The following CHORDC1 variants were observed in gnomAD, a reference collection of about 807,000 sequenced individuals.
CHORDC1 encodes cysteine and histidine-rich domain-containing protein 1.
A neutral mutation model predicts 48.3 loss-of-function variants in CHORDC1; 25 were observed. The ratio of observed to expected loss-of-function variants is 0.52; its 90% CI spans 0.38 to 0.72. The LOEUF (loss-of-function observed/expected upper bound fraction) is 0.72, where lower values mean the gene tolerates loss of function less well. Ranked by LOEUF, CHORDC1 falls within the 30% of genes least tolerant of loss-of-function variation. CHORDC1 has a pLI of 0.00. For synonymous variants in CHORDC1, 128 were observed against 126.4 expected (o/e 1.01, Z -0.09); for missense variants, 317 against 388.7 (o/e 0.82, Z 1.55).
At chr11:90,210,306 C>G (rs1260833085) in intron 6 of CHORDC1, among the ~76,000 whole-genome samples, 1 of 152,110 alleles carries the variant, frequency 6.6e-6, no homozygotes, top group African/African-American at 2.4e-5. Context: ...ATGTCTGGCA[C>G]ATAATAAGTG....
At chr11:90,219,798 G>A (rs753426525) in intron 1 of CHORDC1, among the ~76,000 whole-genome samples, 19 of 152,148 alleles carry the variant, frequency 1.2e-4, no homozygotes, top group Non-Finnish European at 2.6e-4. Flanking sequence ...GCACCACCGG[G>A]TTAGGGTCTC....
In CHORDC1 at chr11:90,206,188, C is replaced by G; in HGVS notation, c.563+14G>C. The G allele has an allele frequency of 7.1e-7, 1 of 1,398,904 alleles. No homozygotes were observed. Among genetic ancestry groups the G allele is most frequent in the Non-Finnish European group, 1.0e-6 (1 of 985,370 alleles). 86.7% of individuals were successfully genotyped at this position (1,398,904 alleles called of 1,614,324 possible). A position where few individuals can be genotyped will look rare whatever the true frequency, so the allele number is the denominator to read the frequency against. On this transcript the variant is annotated intron_variant, in intron 7 of 10. Coordinates refer to ENST00000320585, the MANE Select transcript of CHORDC1 (RefSeq NM_012124.3). ...TCTACCATAAACTATTTTAATAAGT[C>G]ATGCATAAGTTACCCCTCATGGAAA...
intron 2 of CHORDC1, among the ~76,000 whole-genome samples, chr11:90,215,853 G>C (rs1421273874): frequency 1.3e-5 from 2 of 151,876 alleles, no homozygotes; most frequent in African/African-American, 4.8e-5. Flanking sequence ...TGTTTATAGA[G>C]CATAGGGAAA....
rs569694089 is a variant in CHORDC1 at position 90,209,231 on chromosome 11, CCTGCCCCCACCCCATTTT to C, written c.492+1287_492+1304del. The C allele has an allele frequency of 3.3e-5, 5 of 152,248 alleles. No homozygotes were observed. In the South Asian group the frequency reaches 1.0e-3, roughly 32 times the overall value. 9.4% of individuals were successfully genotyped at this position (152,248 alleles called of 1,614,324 possible). A position where few individuals can be genotyped will look rare whatever the true frequency, so the allele number is the denominator to read the frequency against. On this transcript the variant is annotated intron_variant, in intron 6 of 10. Coordinates refer to ENST00000320585, the MANE Select transcript of CHORDC1 (RefSeq NM_012124.3). ...ATTTAACATGAGGAAAAAGTATAAA[CCTGCCCCCACCCCATTTT>C]CACCTTGTTGGTTAATGGTGTCACC...
intron 7 of CHORDC1, 39 bp from the exon 8 acceptor site, chr11:90,205,604 C>A: frequency 8.0e-7 from 1 of 1,257,596 alleles, no homozygotes; most frequent in South Asian, 1.3e-5. Flanking sequence ...AATAAAATCT[C>A]ACAACCAATT....
At chr11:90,209,921 C>T (rs1458847725) in intron 6 of CHORDC1, among the ~76,000 whole-genome samples, 1 of 152,132 alleles carries the variant, frequency 6.6e-6, no homozygotes, top group Non-Finnish European at 1.5e-5. Flanking sequence ...GCCCAAATAC[C>T]TCATCATGGC....
chr11:90,213,932 G>T, intron 4 of CHORDC1, 86 bp downstream of exon 4: 1 of 1,156,946 alleles, frequency 8.6e-7, no homozygotes, highest in Non-Finnish European at 1.2e-6. Context: ...GCTACAAATG[G>T]TATCATGCTA....
In CHORDC1 at chr11:90,200,623, CTAAATA is replaced by C. The variant is rs936913313; in HGVS notation, c.*1776_*1781del. 2.0e-5 allele frequency among the ~76,000 whole-genome samples: 3 copies of C among 150,088 alleles called. No individual in the cohort carries two copies. Among genetic ancestry groups the C allele is most frequent in the African/African-American group, 7.3e-5 (3 of 41,016 alleles). On this transcript the variant is annotated 3_prime_UTR_variant, in exon 11 of 11. Transcript: ENST00000320585. ...TACCATGGTCACTAATGTAACCAGA[CTAAATA>C]TAAAAGCTACATATGTATGTGTGTG... is the stretch of plus-strand genomic sequence containing the variant.
At chr11:90,215,259 A>C in intron 2 of CHORDC1, 29 bp from the exon 3 acceptor site, 2 of 1,471,434 alleles carry the variant, frequency 1.4e-6, no homozygotes, top group African/African-American at 1.4e-5. Flanking sequence ...GGAAACTAAA[A>C]ACTCTATTTG....
At position 90,200,805 on chromosome 11, in the gene CHORDC1, A is replaced by G. The variant is rs116906195; in HGVS notation, c.*1600T>C. 0.039 allele frequency among the ~76,000 whole-genome samples: 5,911 copies of G among 152,096 alleles called. 162 individuals are homozygous for G. The highest frequency in any genetic ancestry group is 0.057 in the Non-Finnish European group (3,892 of 67,836). ...GAAGGAAGTATGAACAAAAAGGGAT[A>G]TTAATCATTACCTTTAATCAAACTA... On this transcript the variant is annotated 3_prime_UTR_variant, in exon 11 of 11. Transcript: ENST00000320585.
rs1857528077 is a variant in CHORDC1 at position 90,200,828 on chromosome 11, C to T, written c.*1577G>A. Among the ~76,000 whole-genome samples the T allele has an allele frequency of 6.6e-6, 1 of 151,988 alleles. No individual in the cohort carries two copies. Among genetic ancestry groups the T allele is most frequent in the Non-Finnish European group, 1.5e-5 (1 of 67,874 alleles). On this transcript the variant is annotated 3_prime_UTR_variant, in exon 11 of 11. Transcript: ENST00000320585. ...ATATTAATCATTACCTTTAATCAAA[C>T]TAATTATCAACCTTTCCCCCAACCC...
At chr11:90,222,787 G>T in intron 1 of CHORDC1, 104 bp downstream of exon 1, 1 of 1,080,922 alleles carries the variant, frequency 9.3e-7, no homozygotes, top group Non-Finnish European at 1.4e-6. Context: ...ACCTGGGGCC[G>T]CGCGAGGACG....
In CHORDC1 at chr11:90,206,197, GT is replaced by G; in HGVS notation, c.563+4del. The G allele has an allele frequency of 6.8e-7, 1 of 1,480,058 alleles. No individual in the cohort carries two copies. The highest frequency in any genetic ancestry group is 9.4e-7 in the Non-Finnish European group (1 of 1,058,678). 91.7% of individuals were successfully genotyped at this position (1,480,058 alleles called of 1,614,324 possible). On this transcript the variant is annotated splice_donor_region_variant and intron_variant, in intron 7 of 10. Transcript: ENST00000320585. Reference sequence around the variant, plus strand: ...AACTATTTTAATAAGTCATGCATAAGTTACCCCTCATGGAAAATAGGTACTC... The same window carrying G: ...AACTATTTTAATAAGTCATGCATAAGTACCCCTCATGGAAAATAGGTACTC...
chr11:90,219,958 T>C (rs1178000220), intron 1 of CHORDC1, among the ~76,000 whole-genome samples: 1 of 152,224 alleles, frequency 6.6e-6, no homozygotes, highest in Non-Finnish European at 1.5e-5. Context: ...TACAACAACC[T>C]TGTCCAACAT....
Position 90,223,021 on chromosome 11 carries a change from C to G in CHORDC1, c.-67G>C, listed in dbSNP as rs1211971480. On this transcript the variant is annotated 5_prime_UTR_variant, in exon 1 of 11. Transcript: ENST00000320585. ...ACGGCAAGAGGATGCGTTTGCCACT[C>G]CCGTGTCGCTAGCACCGGTCTGACG... is the stretch of plus-strand genomic sequence containing the variant. 3 of 1,382,640 alleles carry G rather than the reference C, an allele frequency of 2.2e-6. No homozygotes were observed. The highest frequency in any genetic ancestry group is 1.7e-5 in the Admixed American group (1 of 58,488). The allele number at this position is 1,382,640 out of a possible 1,614,324, so 85.6% of individuals were successfully genotyped here. A position where few individuals can be genotyped will look rare whatever the true frequency, so the allele number is the denominator to read the frequency against.
chr11:90,216,332 A>G (rs542485174), intron 2 of CHORDC1: 55 of 235,898 alleles, frequency 2.3e-4, no homozygotes, highest in African/African-American at 1.3e-3. Context: ...AGAAAAGGAA[A>G]GATAAATTTA....
At chr11:90,218,738 G>A (rs1347718233) in intron 1 of CHORDC1, among the ~76,000 whole-genome samples, 1 of 152,054 alleles carries the variant, frequency 6.6e-6, no homozygotes, top group Non-Finnish European at 1.5e-5. Flanking sequence ...CCTCTGCCTG[G>A]CCCCTGCCCT....
chr11:90,203,160 A>G, intron 9 of CHORDC1, 148 bp downstream of exon 9: 2 of 807,326 alleles, frequency 2.5e-6, no homozygotes, highest in Non-Finnish European at 3.7e-6. Context: ...AAATAGTTTC[A>G]TAGAAGTAAT....
At position 90,211,331 on chromosome 11, in the gene CHORDC1, G is replaced by A; in HGVS notation, c.330-13C>T. The A allele has an allele frequency of 6.6e-7, 1 of 1,511,456 alleles. No individual in the cohort carries two copies. The highest frequency in any genetic ancestry group is 9.2e-7 in the Non-Finnish European group (1 of 1,088,326). The allele number at this position is 1,511,456 out of a possible 1,614,324, so 93.6% of individuals were successfully genotyped here. On this transcript the variant is annotated splice_polypyrimidine_tract_variant and intron_variant, in intron 4 of 10. Coordinates refer to ENST00000320585, the MANE Select transcript of CHORDC1 (RefSeq NM_012124.3). Reference sequence around the variant, plus strand: ...TGGTTCATCTGGGCTGGAGAATTTTGAAACCTTATTACCATTATTAATATA... The same window carrying A: ...TGGTTCATCTGGGCTGGAGAATTTTAAAACCTTATTACCATTATTAATATA...
Sources: allele counts gnomAD v4.1 joint callset (sites outside exome capture counted in the v4.1 genomes callset), GRCh38; gene constraint gnomAD v4.1.1; transcripts MANE v1.5; gene names NCBI Gene and HGNC (gene_info 2026-07-23, HGNC 2026-07-21).